Variants in NPM2 observed in about 807,000 individuals in gnomAD.
NPM2 encodes nucleophosmin/nucleoplasmin 2.
In NPM2, 25 loss-of-function variants were observed where a neutral mutation model predicts 32.0. That is an observed-to-expected ratio of 0.78 (90% CI 0.57 to 1.09). The LOEUF (loss-of-function observed/expected upper bound fraction) is 1.09. Among genes scored for constraint, NPM2 ranks in the 50% least tolerant of loss-of-function variants. The pLI is 0.00. For synonymous variants in NPM2, 111 were observed against 94.2 expected, an observed-to-expected ratio of 1.18 and a Z score of -1.04; for missense variants, 282 against 259.9, an observed-to-expected ratio of 1.08 and a Z score of -0.58.
intron 5 of NPM2, among the ~76,000 whole-genome samples, chr8:22,032,043 G>A (rs1055752220): frequency 1.3e-5 from 2 of 152,142 alleles, no homozygotes; most frequent in African/African-American, 4.8e-5. Flanking sequence ...TTTAGAAGCT[G>A]TAAGTTATTC....
In NPM2 at chr8:22,025,556, T is replaced by A. The variant is rs763946651; in HGVS notation, c.144+35T>A. On this transcript the variant is annotated intron_variant, in intron 4 of 9. Coordinates refer to ENST00000518119, the MANE Select transcript of NPM2 (RefSeq NM_001286680.2). The stretch of plus-strand genomic sequence containing the variant: ...CCCAAAAGAGGGGAGGAAGATGGTG[T>A]CCGGGAACTTTCTGGTCCCAACGGA... 3 of 1,613,510 alleles carry A rather than the reference T, an allele frequency of 1.9e-6. No homozygotes were observed. In the South Asian group the frequency reaches 3.3e-5, roughly 18 times the overall value.
chr8:22,026,271 A>AT (rs1405955973), intron 5 of NPM2, among the ~76,000 whole-genome samples: 6 of 151,966 alleles, frequency 3.9e-5, no homozygotes, highest in Non-Finnish European at 5.9e-5. Flanking sequence ...CCATGCAAAA[A>AT]TTGTCTTCCA....
At position 22,036,544 on chromosome 8, in the gene NPM2, G is replaced by A; in HGVS notation, c.600+18G>A. Reference sequence around the variant, plus strand: ...TGAAAAAGGTGAGTAGGACCAGAGGGCTTTGGCCCTTGGGACAGGCGAGTA... The same window carrying A: ...TGAAAAAGGTGAGTAGGACCAGAGGACTTTGGCCCTTGGGACAGGCGAGTA... On this transcript the variant is annotated intron_variant, in intron 9 of 9. Transcript: ENST00000518119. The A allele has an allele frequency of 6.9e-6, 11 of 1,592,900 alleles. No homozygotes were observed. The highest frequency in any genetic ancestry group is 9.4e-6 in the Non-Finnish European group (11 of 1,169,996).
At position 22,025,765 on chromosome 8, in the gene NPM2, T is replaced by C. The variant is rs1046294605; in HGVS notation, c.263T>C (p.Leu88Pro). Residue 88 changes from leucine (L) to proline (P), a missense_variant, in exon 5 of 10, where the codon CTC becomes CCC. Physicochemically the swap from Leu to Pro is moderately conservative, Grantham distance 98 (BLOSUM62 -3). Transcript: ENST00000518119. ...VTIASLQASV[L>P]PMVSMVGVQL... is the part of the protein sequence containing the mutation. ...ATTGCCTCACTCCAGGCCTCAGTCC[T>C]CCCCATGGTGCGCATTTCCCTGCTG... The C allele has an allele frequency of 6.2e-7, 1 of 1,613,986 alleles. No individual in the cohort carries two copies. Among genetic ancestry groups the C allele is most frequent in the Non-Finnish European group, 8.5e-7 (1 of 1,179,984 alleles).
chr8:22,030,841 C>A (rs1800414688), intron 5 of NPM2, among the ~76,000 whole-genome samples: 1 of 152,072 alleles, frequency 6.6e-6, no homozygotes, highest in Non-Finnish European at 1.5e-5. Flanking sequence ...CCAACACACC[C>A]AGCTTTATCT....
intron 5 of NPM2, 112 bp from the exon 6 acceptor site, chr8:22,033,018 G>A: frequency 1.3e-6 from 1 of 766,774 alleles, no homozygotes; most frequent in Admixed American, 1.9e-5. Flanking sequence ...CAGGGGCTGA[G>A]TAGTGTGTAG....
rs142852114 is a variant in NPM2, at chr8:22,025,520, C to G, written c.143C>G (p.Thr48Arg). 1.2e-6 allele frequency: 2 copies of G among 1,613,958 alleles called. No individual in the cohort carries two copies. The highest frequency in any genetic ancestry group is 1.1e-5 in the South Asian group (1 of 91,050). ...GKQSCRLLLH[T>R]ICLGEKAKEE... ...CAGAGCTGCAGGCTGTTGCTTCATA[C>G]GGTAGGTGTTCCCAAAAGAGGGGAG... is the stretch of plus-strand genomic sequence containing the variant. Residue 48 changes from threonine (T) to arginine (R), a missense_variant and splice_region_variant, in exon 4 of 10, where the codon ACG (threonine) becomes AGG (arginine). Coordinates refer to ENST00000518119, the MANE Select transcript of NPM2 (RefSeq NM_001286680.2).
chr8:22,026,616 G>A (rs1233950296), intron 5 of NPM2, among the ~76,000 whole-genome samples: 1 of 151,992 alleles, frequency 6.6e-6, no homozygotes, highest in Non-Finnish European at 1.5e-5. Context: ...CACCATGCCT[G>A]GCTAATTTTT....
chr8:22,024,870 C>T (rs1366642410), intron 2 of NPM2, 40 bp downstream of exon 2: 5 of 222,802 alleles, frequency 2.2e-5, no homozygotes, highest in South Asian at 8.8e-5. Flanking sequence ...AAGCCGCGCG[C>T]ACACCCCTTT....
chr8:22,025,702 C>T lies in NPM2; in HGVS notation c.200C>T (p.Pro67Leu). 1.2e-6 allele frequency: 2 copies of T among 1,614,124 alleles called. No homozygotes were observed. Among genetic ancestry groups the T allele is most frequent in the South Asian group, 2.2e-5 (2 of 91,088 alleles). ...ATGCATCGCGTGGAGATCCTGCCCCCAGCAAACCAGGAGGACAAGAAGATG... is the reference window on the plus strand; with the variant it reads ...ATGCATCGCGTGGAGATCCTGCCCCTAGCAAACCAGGAGGACAAGAAGATG... ...EEMHRVEILPPANQEDKKMQP... is the reference protein window; with the variant it reads ...EEMHRVEILPLANQEDKKMQP... The change falls in exon 5 of 10, where the codon CCA becomes CTA. Residue 67 changes from proline (P) to leucine (L), a missense_variant. Physicochemically the swap from Pro to Leu is moderately conservative, Grantham distance 98. Transcript: ENST00000518119.
At chr8:22,036,422 C>A in intron 8 of NPM2, 71 bp from the exon 9 acceptor site, 1 of 1,504,266 alleles carries the variant, frequency 6.6e-7, no homozygotes, top group Admixed American at 2.1e-5. Context: ...GGGAGGGCCA[C>A]GCCGCTGGTC....
intron 5 of NPM2, among the ~76,000 whole-genome samples, chr8:22,030,662 A>G (rs1184494511): frequency 6.6e-6 from 1 of 152,034 alleles, no homozygotes; most frequent in Admixed American, 6.6e-5. Flanking sequence ...ATACATATAT[A>G]TATATATGTA....
In NPM2 at chr8:22,030,078, A is replaced by G. The variant is rs1800386680; in HGVS notation, c.271-3052A>G. ...CCTAGTCCCTTTTCCAATTAGATAT[A>G]TGTTGGGCCTTCTCACTCTGTCCCC... On this transcript the variant is annotated intron_variant, in intron 5 of 9. Coordinates refer to ENST00000518119, the MANE Select transcript of NPM2 (RefSeq NM_001286680.2). Among the ~76,000 whole-genome samples, 3 of 152,006 alleles carry G rather than the reference A, an allele frequency of 2.0e-5. No individual in the cohort carries two copies. In the South Asian group the frequency reaches 6.2e-4, roughly 32 times the overall value.
In NPM2 at chr8:22,025,741, T is replaced by C. The variant is rs200248489; in HGVS notation, c.239T>C (p.Ile80Thr). The C allele has an allele frequency of 4.3e-6, 7 of 1,614,134 alleles. No individual in the cohort carries two copies. The highest frequency in any genetic ancestry group is 2.7e-5 in the African/African-American group (2 of 75,034). ...QEDKKMQPVT[I>T]ASLQASVLPM... ...GACAAGAAGATGCAGCCGGTCACCA[T>C]TGCCTCACTCCAGGCCTCAGTCCTC... The change falls in exon 5 of 10, where the codon ATT becomes ACT. Residue 80 changes from isoleucine to threonine, a missense_variant. Physicochemically the swap from Ile to Thr is moderately conservative, Grantham distance 89. Coordinates refer to ENST00000518119, the MANE Select transcript of NPM2 (RefSeq NM_001286680.2).
chr8:22,034,941 C>T (rs1487940463), intron 8 of NPM2, among the ~76,000 whole-genome samples: 1 of 152,108 alleles, frequency 6.6e-6, no homozygotes, highest in African/African-American at 2.4e-5. Flanking sequence ...AACCCTGTCT[C>T]TACTAAAAAC....
At chr8:22,025,615 G>A (rs763738120) in intron 4 of NPM2, 32 bp from the exon 5 acceptor site, 1 of 1,614,064 alleles carries the variant, frequency 6.2e-7, no homozygotes, top group African/African-American at 1.3e-5. Flanking sequence ...CCCTCAGGGT[G>A]ATGAGGGGCC....
chr8:22,024,981 C>T (rs1800183862), intron 2 of NPM2, 151 bp downstream of exon 2: 1 of 483,488 alleles, frequency 2.1e-6, no homozygotes, highest in Admixed American at 4.1e-5. Flanking sequence ...GTGGACAGCT[C>T]CCTCTCCCGT....
In NPM2 at chr8:22,036,762, C is replaced by T; in HGVS notation, c.*80C>T. The stretch of plus-strand genomic sequence containing the variant: ...CAGGCACAGGGTGCCCCTGTCCAGC[C>T]CCTCCACCTGTGTCTGAATGCAACA... On this transcript the variant is annotated 3_prime_UTR_variant, in exon 10 of 10. Coordinates refer to ENST00000518119, the MANE Select transcript of NPM2 (RefSeq NM_001286680.2). The T allele has an allele frequency of 7.2e-7, 1 of 1,395,350 alleles. No homozygotes were observed. Among genetic ancestry groups the T allele is most frequent in the Non-Finnish European group, 9.6e-7 (1 of 1,040,042 alleles). 86.4% of individuals were successfully genotyped at this position (1,395,350 alleles called of 1,614,324 possible). A position where few individuals can be genotyped will look rare whatever the true frequency, so the allele number is the denominator to read the frequency against.
chr8:22,034,418 G>T, intron 7 of NPM2, 92 bp from the exon 8 acceptor site: 2 of 1,388,458 alleles, frequency 1.4e-6, no homozygotes, highest in Non-Finnish European at 2.0e-6. Context: ...GTTCTGGCCA[G>T]GAGCTCAGCG....
Sources: allele counts gnomAD v4.1 joint callset (sites outside exome capture counted in the v4.1 genomes callset), GRCh38; gene constraint gnomAD v4.1.1; transcripts MANE v1.5; gene names NCBI Gene and HGNC (gene_info 2026-07-23, HGNC 2026-07-21).